PODN: variants seen among roughly 807,000 people sequenced by gnomAD.
The protein encoded by PODN is podocan proteoglycan.
A neutral mutation model predicts 52.7 loss-of-function variants in PODN; 40 were observed. The ratio of observed to expected loss-of-function variants is 0.76; its 90% CI spans 0.59 to 0.99. The LOEUF is 0.99. PODN is among the 50% of genes least tolerant of loss of function. PODN has a pLI of 0.00. For synonymous variants in PODN, 396 were observed against 377.9 expected (o/e 1.05, Z -0.56); for missense variants, 720 against 815.1 (o/e 0.88, Z 1.42).
chr1:53,071,946 C>G (rs925230780), intron 3 of PODN, among the ~76,000 whole-genome samples: 1 of 151,990 alleles, frequency 6.6e-6, no homozygotes, highest in African/African-American at 2.4e-5. Context: ...GAGAATTTCA[C>G]AAGTGTAATA....
At position 53,074,677 on chromosome 1, in the gene PODN, G is replaced by T. The variant is rs975540496; in HGVS notation, c.471+7G>T. 1.4e-5 allele frequency: 22 copies of T among 1,613,666 alleles called. No individual in the cohort carries two copies. The highest frequency in any genetic ancestry group is 1.7e-5 in the Admixed American group (1 of 60,010). On this transcript the variant is annotated splice_region_variant and intron_variant, in intron 4 of 10. Transcript: ENST00000312553. Reference sequence around the variant, plus strand: ...GTACTTGGCCAATAACAAGGTGAGGGGCTTGAGGCAGGGTGGGGGGTTGCT... The same window carrying T: ...GTACTTGGCCAATAACAAGGTGAGGTGCTTGAGGCAGGGTGGGGGGTTGCT...
intron 8 of PODN, 66 bp downstream of exon 8, chr1:53,079,088 C>T (rs1644246830): frequency 6.9e-7 from 1 of 1,444,354 alleles, no homozygotes. Context: ...TGCCCTGAGC[C>T]CACCTGTCTG....
chr1:53,083,335 T>C (rs1644321035), intron 10 of PODN, among the ~76,000 whole-genome samples: 1 of 152,136 alleles, frequency 6.6e-6, no homozygotes, highest in Admixed American at 6.5e-5. Flanking sequence ...GACACACACA[T>C]GCATCTTCCA....
intron 3 of PODN, 105 bp downstream of exon 3, chr1:53,071,733 G>A: frequency 8.7e-7 from 1 of 1,155,794 alleles, no homozygotes; most frequent in Non-Finnish European, 1.2e-6. Context: ...CGGATCTTGG[G>A]GTGTGGATGG....
At chr1:53,067,992 A>G (rs1012448025) in intron 1 of PODN, among the ~76,000 whole-genome samples, 7 of 151,486 alleles carry the variant, frequency 4.6e-5, no homozygotes, top group African/African-American at 1.7e-4. Context: ...GCAGCAGAGG[A>G]TTCTGGAGTG....
intron 1 of PODN, chr1:53,066,692 TAAC>T: frequency 1.2e-6 from 1 of 862,666 alleles, no homozygotes; most frequent in Non-Finnish European, 1.8e-6. Context: ...CTTTGCCACT[TAAC>T]AGCTGTTCAC....
At position 53,078,627 on chromosome 1, in the gene PODN, C is replaced by T. The variant is rs748461188; in HGVS notation, c.1117C>T (p.Arg373Cys). The T allele has an allele frequency of 1.1e-5, 17 of 1,612,880 alleles. No individual in the cohort carries two copies. Among genetic ancestry groups the T allele is most frequent in the East Asian group, 2.2e-5 (1 of 44,896 alleles). Residue 373 changes from arginine (R) to cysteine (C), a missense_variant, in exon 8 of 11, where the codon CGC (arginine) becomes TGC (cysteine). Coordinates refer to ENST00000312553, the MANE Select transcript of PODN (RefSeq NM_153703.5). ...GCACCTGTACAACAACGCGCTGGAGCGCGTGCCCAGTGGCCTGCCTCGCCG... is the reference window on the plus strand; with the variant it reads ...GCACCTGTACAACAACGCGCTGGAGTGCGTGCCCAGTGGCCTGCCTCGCCG... ...TVHLYNNALERVPSGLPRRVR... is the reference protein window; with the variant it reads ...TVHLYNNALECVPSGLPRRVR...
At chr1:53,083,678 C>T (rs929453198) in intron 10 of PODN, among the ~76,000 whole-genome samples, 2 of 152,170 alleles carry the variant, frequency 1.3e-5, no homozygotes, top group African/African-American at 2.4e-5. Context: ...GAGTTCAGGA[C>T]AGGAGGGCAA....
At chr1:53,063,778 ATGG>A (rs980782108) in intron 1 of PODN, among the ~76,000 whole-genome samples, 13 of 152,132 alleles carry the variant, frequency 8.5e-5, no homozygotes, top group African/African-American at 3.1e-4. Context: ...GGGATTACTA[ATGG>A]TGGCACTTTT....
At chr1:53,083,683 G>A (rs1185183413) in intron 10 of PODN, among the ~76,000 whole-genome samples, 1 of 152,244 alleles carries the variant, frequency 6.6e-6, no homozygotes, top group Non-Finnish European at 1.5e-5. Flanking sequence ...CAGGACAGGA[G>A]GGCAAGGAAC....
chr1:53,068,998 C>G (rs1572259391), intron 1 of PODN, among the ~76,000 whole-genome samples: 1 of 152,174 alleles, frequency 6.6e-6, no homozygotes, highest in East Asian at 1.9e-4. Context: ...AGGGCAGCAG[C>G]AGCTGTAGTC....
chr1:53,076,903 G>A (rs75232922), intron 5 of PODN, among the ~76,000 whole-genome samples: 2,861 of 152,242 alleles, frequency 0.019, 66 homozygotes, highest in African/African-American at 0.06. Context: ...AGGGCTGAAA[G>A]GGTCAGGGGT....
chr1:53,082,226 C>T, intron 10 of PODN, 38 bp downstream of exon 10: 1 of 1,447,942 alleles, frequency 6.9e-7, no homozygotes, highest in Non-Finnish European at 9.1e-7. Flanking sequence ...ACTTCTGCTC[C>T]CTGCATTTTC....
intron 1 of PODN, among the ~76,000 whole-genome samples, chr1:53,067,185 G>A (rs1012957018): frequency 7.9e-5 from 12 of 152,146 alleles, no homozygotes; most frequent in African/African-American, 2.7e-4. Context: ...GAGCCTGGAA[G>A]CTGCAGGTGT....
intron 1 of PODN, chr1:53,063,514 G>C: frequency 1.0e-6 from 1 of 985,578 alleles, no homozygotes; most frequent in Non-Finnish European, 1.2e-6. Context: ...GAGGGCTCAT[G>C]GTGAGCAAGG....
At chr1:53,072,745 G>A (rs114406487) in intron 3 of PODN, among the ~76,000 whole-genome samples, 5 of 152,274 alleles carry the variant, frequency 3.3e-5, no homozygotes, top group African/African-American at 9.6e-5. Context: ...ACCATCAAGC[G>A]CATTCAGGTG....
intron 5 of PODN, among the ~76,000 whole-genome samples, chr1:53,076,677 T>A (rs2150301724): frequency 6.6e-6 from 1 of 151,178 alleles, no homozygotes; most frequent in African/African-American, 2.4e-5. Flanking sequence ...TATATGCATA[T>A]ATCTCTATTT....
chr1:53,066,441 C>T (rs76965696), intron 1 of PODN, among the ~76,000 whole-genome samples: 2 of 152,026 alleles, frequency 1.3e-5, no homozygotes, highest in East Asian at 1.9e-4. Flanking sequence ...TTTTTTTGTA[C>T]GACATCTTTG....
intron 5 of PODN, 28 bp downstream of exon 5, chr1:53,075,999 G>C: frequency 6.5e-7 from 1 of 1,530,230 alleles, no homozygotes; most frequent in Non-Finnish European, 8.9e-7. Flanking sequence ...GTCAGGGCTC[G>C]GGCTGGGGCA....
Sources: allele counts gnomAD v4.1 joint callset (sites outside exome capture counted in the v4.1 genomes callset), GRCh38; gene constraint gnomAD v4.1.1; transcripts MANE v1.5; gene names NCBI Gene and HGNC (gene_info 2026-07-23, HGNC 2026-07-21).